RAI14: variants seen among roughly 807,000 people sequenced by gnomAD.
RAI14 encodes the protein ankycorbin.
Under a neutral mutation model 115.4 loss-of-function variants are expected in RAI14, and 45 were observed. The observed-to-expected ratio is 0.39, with a 90% CI of 0.31 to 0.50. The LOEUF (loss-of-function observed/expected upper bound fraction) is 0.50. RAI14 is among the 20% of genes least tolerant of loss of function. The pLI, the probability that RAI14 is intolerant of heterozygous loss-of-function variation, is 0.85. For synonymous variants in RAI14, 371 were observed against 415.4 expected (o/e 0.89, Z 1.30); for missense variants, 939 against 1,131.2 (o/e 0.83, Z 2.44).
At chr5:34,747,873 C>T (rs951247858) in intron 2 of RAI14, among the ~76,000 whole-genome samples, 2 of 152,202 alleles carry the variant, frequency 1.3e-5, no homozygotes, top group Non-Finnish European at 2.9e-5. Context: ...AGATGCTAGC[C>T]ATTGCCCATG....
chr5:34,682,205 T>G (rs926556657), intron 1 of RAI14, among the ~76,000 whole-genome samples: 2 of 151,984 alleles, frequency 1.3e-5, no homozygotes, highest in African/African-American at 4.8e-5. Context: ...TAGAGATTAT[T>G]AAGCTTTTAA....
chr5:34,681,858 T>TTCTTTC (rs1234122250), intron 1 of RAI14, among the ~76,000 whole-genome samples: 4 of 137,722 alleles, frequency 2.9e-5, no homozygotes, highest in South Asian at 2.3e-4. Flanking sequence ...CTTTCTTTCT[T>TTCTTTC]TTTTTTTTTT....
rs535560916 is a variant in RAI14, at chr5:34,729,592, A to G, written c.37-27876A>G. ...CAAAATATTCAACTTGAATCTGGTC[A>G]GCCTCTAAATCCTATTGCCAATTAA... On this transcript the variant is annotated intron_variant, in intron 2 of 17. Coordinates refer to ENST00000265109, the MANE Select transcript of RAI14 (RefSeq NM_015577.3). Among the ~76,000 whole-genome samples, 5 of 152,342 alleles carry G rather than the reference A, an allele frequency of 3.3e-5. No individual in the cohort carries two copies. In the South Asian group the frequency reaches 8.3e-4, roughly 25 times the overall value.
intron 2 of RAI14, among the ~76,000 whole-genome samples, chr5:34,698,250 A>T (rs1465976132): frequency 6.8e-6 from 1 of 146,712 alleles, no homozygotes; most frequent in African/African-American, 2.5e-5. Context: ...CTCACCTGTA[A>T]ACTGAGGCTG....
chr5:34,708,207 G>GT (rs953677214), intron 2 of RAI14, among the ~76,000 whole-genome samples: 210 of 144,410 alleles, frequency 1.5e-3, no homozygotes, highest in Middle Eastern at 7.1e-3. Context: ...TTGGGTTTTT[G>GT]TTTTTTTTTT....
intron 3 of RAI14, among the ~76,000 whole-genome samples, chr5:34,776,461 G>T (rs1428942192): frequency 2.6e-5 from 4 of 152,080 alleles, no homozygotes; most frequent in Non-Finnish European, 5.9e-5. Flanking sequence ...TGCTTGAAGT[G>T]GAGGATACCC....
At chr5:34,736,692 C>T (rs1039137275) in intron 2 of RAI14, among the ~76,000 whole-genome samples, 1 of 152,182 alleles carries the variant, frequency 6.6e-6, no homozygotes. Flanking sequence ...CATGAGCCAT[C>T]ATGCCCAGCC....
chr5:34,824,821 G>A (rs544954943), intron 15 of RAI14, among the ~76,000 whole-genome samples: 134 of 152,024 alleles, frequency 8.8e-4, no homozygotes, highest in Middle Eastern at 3.4e-3. Context: ...GCACACGCCT[G>A]TAATCCCAGC....
At chr5:34,668,572 A>G (rs149719970) in intron 1 of RAI14, among the ~76,000 whole-genome samples, 5 of 152,174 alleles carry the variant, frequency 3.3e-5, no homozygotes, top group Non-Finnish European at 5.9e-5. Flanking sequence ...TGCTCTCACA[A>G]CCTTCTTGGG....
chr5:34,682,870 C>A (rs1744490164), intron 1 of RAI14, among the ~76,000 whole-genome samples: 1 of 152,184 alleles, frequency 6.6e-6, no homozygotes, highest in African/African-American at 2.4e-5. Flanking sequence ...AGTAAGCATC[C>A]TGATTTAATG....
chr5:34,820,498 G>A (rs1756712223), intron 13 of RAI14, among the ~76,000 whole-genome samples: 1 of 152,214 alleles, frequency 6.6e-6, no homozygotes, highest in Admixed American at 6.5e-5. Flanking sequence ...TGTAGTCCCA[G>A]CTACTTGGGA....
intron 1 of RAI14, among the ~76,000 whole-genome samples, chr5:34,681,987 C>G (rs1579891822): frequency 6.6e-6 from 1 of 151,760 alleles, no homozygotes; most frequent in African/African-American, 2.4e-5. Context: ...TCGGCAGTAT[C>G]TGGGATTACA....
intron 2 of RAI14, among the ~76,000 whole-genome samples, chr5:34,748,381 A>G (rs1486910404): frequency 2.0e-5 from 3 of 152,192 alleles, no homozygotes; most frequent in East Asian, 3.8e-4. Context: ...GCCGTGTTGT[A>G]TTGGTAATTT....
chr5:34,704,856 G>T (rs1045390673), intron 2 of RAI14, among the ~76,000 whole-genome samples: 7 of 152,166 alleles, frequency 4.6e-5, no homozygotes, highest in Admixed American at 2.0e-4. Context: ...TGTGAGGATG[G>T]GACAAAGATG....
intron 2 of RAI14, among the ~76,000 whole-genome samples, chr5:34,735,255 T>A (rs1744724714): frequency 6.6e-6 from 1 of 152,232 alleles, no homozygotes; most frequent in South Asian, 2.1e-4. Context: ...GTTTCATTTT[T>A]ATTTTTAAAT....
At chr5:34,799,684 C>CTTT (rs1754015236) in intron 4 of RAI14, among the ~76,000 whole-genome samples, 1 of 97,852 alleles carries the variant, frequency 1.0e-5, no homozygotes, top group East Asian at 2.5e-4. Context: ...AATCTGTTAG[C>CTTT]ATTTTTTTTT....
intron 3 of RAI14, among the ~76,000 whole-genome samples, chr5:34,764,465 G>C (rs958224009): frequency 6.6e-6 from 1 of 152,116 alleles, no homozygotes; most frequent in Admixed American, 6.6e-5. Flanking sequence ...CTAGCCCAGA[G>C]CGTTCCAACA....
chr5:34,784,390 A>T (rs1281150320), intron 3 of RAI14, among the ~76,000 whole-genome samples: 1 of 152,254 alleles, frequency 6.6e-6, no homozygotes, highest in East Asian at 1.9e-4. Context: ...AATTTCAAAA[A>T]TTGAAACAAT....
chr5:34,773,181 A>G (rs1359923000), intron 3 of RAI14, among the ~76,000 whole-genome samples: 1 of 152,166 alleles, frequency 6.6e-6, no homozygotes, highest in African/African-American at 2.4e-5. Flanking sequence ...TCTTCAATAA[A>G]TAGTGTGGGA....
Sources: gnomAD v4.1 joint callset for allele counts (sites outside exome capture counted in the v4.1 genomes callset) on GRCh38, gnomAD v4.1.1 for gene constraint, MANE v1.5 for transcripts, NCBI Gene and HGNC (gene_info 2026-07-23, HGNC 2026-07-21) for gene names.